Variants in FHIT observed in about 807,000 individuals in gnomAD.
The protein encoded by FHIT is bis(5'-adenosyl)-triphosphatase.
In FHIT, 19 loss-of-function variants were observed where a neutral mutation model predicts 17.9. The ratio of observed to expected loss-of-function variants is 1.06; its 90% CI spans 0.74 to 1.56. The LOEUF (loss-of-function observed/expected upper bound fraction) is 1.56, where lower values mean the gene tolerates loss of function less well. Ranked by LOEUF, FHIT falls within the 40% of genes most tolerant of loss-of-function variation. The pLI, the probability that FHIT is intolerant of heterozygous loss-of-function variation, is 0.00. For synonymous variants in FHIT, 81 were observed against 69.7 expected (o/e 1.16, Z -0.81); for missense variants, 248 against 189.2 (o/e 1.31, Z -1.82).
intron 5 of FHIT, among the ~76,000 whole-genome samples, chr3:60,099,373 T>G (rs953431235): frequency 2.6e-5 from 4 of 152,198 alleles, no homozygotes; most frequent in Admixed American, 6.5e-5. Flanking sequence ...TACATTATTC[T>G]CATAATTACC....
intron 2 of FHIT, among the ~76,000 whole-genome samples, chr3:61,149,683 G>A (rs2037328372): frequency 1.3e-5 from 2 of 151,762 alleles, no homozygotes; most frequent in South Asian, 4.2e-4. Context: ...TTTGAGACCA[G>A]CCTCAGCAAC....
intron 3 of FHIT, among the ~76,000 whole-genome samples, chr3:60,860,659 GGTATATAT>G (rs1703722580): frequency 9.1e-6 from 1 of 109,878 alleles, no homozygotes; most frequent in African/African-American, 3.4e-5. Flanking sequence ...ACATATATCA[GGTATATAT>G]GTACATATGT....
intron 4 of FHIT, among the ~76,000 whole-genome samples, chr3:60,628,485 A>T (rs1314130831): frequency 6.6e-6 from 1 of 152,194 alleles, no homozygotes; most frequent in Non-Finnish European, 1.5e-5. Context: ...TGCTTCACTA[A>T]TTACTGGATA....
chr3:60,602,171 TGGGTGGAAATGATA>T (rs2038465382), intron 4 of FHIT, among the ~76,000 whole-genome samples: 2 of 152,090 alleles, frequency 1.3e-5, no homozygotes, highest in African/African-American at 4.8e-5. Flanking sequence ...ACTGAATCCA[TGGGTGGAAATGATA>T]CAGTATCCTG....
intron 5 of FHIT, among the ~76,000 whole-genome samples, chr3:60,163,763 G>T (rs556066494): frequency 6.0e-4 from 92 of 152,286 alleles, no homozygotes; most frequent in Middle Eastern, 6.8e-3. Flanking sequence ...ACTAGATGCT[G>T]GTAGCACCTA....
At chr3:59,844,671 C>T (rs1262584644) in intron 8 of FHIT, among the ~76,000 whole-genome samples, 1 of 152,000 alleles carries the variant, frequency 6.6e-6, no homozygotes, top group Non-Finnish European at 1.5e-5. Flanking sequence ...GAATAAATCT[C>T]GCTTGGTCAT....
At chr3:60,381,251 G>A (rs898374589) in intron 5 of FHIT, among the ~76,000 whole-genome samples, 1 of 152,128 alleles carries the variant, frequency 6.6e-6, no homozygotes, top group African/African-American at 2.4e-5. Context: ...GCTGAGGTGG[G>A]CAGATCACCT....
At position 60,362,098 on chromosome 3, in the gene FHIT, G is replaced by A. The variant is rs138320193; in HGVS notation, c.103+174762C>T. Among the ~76,000 whole-genome samples, 456 of 152,140 alleles carry A rather than the reference G, an allele frequency of 3.0e-3. 6 individuals are homozygous for A. In the Middle Eastern group the frequency reaches 0.041, roughly 14 times the overall value. ...TTAAAAAAAAATAATTTTATTGTGT[G>A]CATTTGAAGTTTATAGCATGATGTT... On this transcript the variant is annotated intron_variant, in intron 5 of 9. Coordinates refer to ENST00000492590, the MANE Select transcript of FHIT (RefSeq NM_002012.4).
chr3:60,208,312 G>C lies in FHIT; in HGVS notation c.104-194160C>G, dbSNP rs867909728. ...TAAAAGATGCAGGCTTTCAGAACTCGACAAATTTTCTTGATCCTTTGCCAA... is the reference window on the plus strand; with the variant it reads ...TAAAAGATGCAGGCTTTCAGAACTCCACAAATTTTCTTGATCCTTTGCCAA... On this transcript the variant is annotated intron_variant, in intron 5 of 9. Transcript: ENST00000492590. Among the ~76,000 whole-genome samples the C allele has an allele frequency of 2.0e-5, 3 of 152,090 alleles. No homozygotes were observed. The East Asian group carries it at 5.8e-4, about 29-fold the overall frequency.
At position 61,030,787 on chromosome 3, in the gene FHIT, T is replaced by A. The variant is rs548054460; in HGVS notation, c.-111+11260A>T. Among the ~76,000 whole-genome samples, 5 of 152,190 alleles carry A rather than the reference T, an allele frequency of 3.3e-5. No individual in the cohort carries two copies. In the East Asian group the frequency reaches 5.8e-4, roughly 18 times the overall value. On this transcript the variant is annotated intron_variant, in intron 3 of 9. Transcript: ENST00000492590. ...TGGTAGTTTCAATGAAAAAGTTACA[T>A]TAAAGGAGAGGCAGGCCGTGAGCTG...
At chr3:60,388,172 G>A (rs1419606763) in intron 5 of FHIT, among the ~76,000 whole-genome samples, 2 of 152,070 alleles carry the variant, frequency 1.3e-5, no homozygotes, top group African/African-American at 2.4e-5. Context: ...GCACACAAAT[G>A]GACTAAGACA....
chr3:59,944,335 G>A (rs1467696903), intron 7 of FHIT, among the ~76,000 whole-genome samples: 1 of 152,068 alleles, frequency 6.6e-6, no homozygotes, highest in South Asian at 2.1e-4. Context: ...GATACAGAAT[G>A]AATCCATTAC....
intron 3 of FHIT, among the ~76,000 whole-genome samples, chr3:61,036,334 C>T (rs944985243): frequency 6.6e-6 from 1 of 151,990 alleles, no homozygotes; most frequent in African/African-American, 2.4e-5. Context: ...GATCTAATCA[C>T]CCCCTACCAG....
At position 60,499,601 on chromosome 3, in the gene FHIT, G is replaced by C. The variant is rs183274215; in HGVS notation, c.103+37259C>G. ...AGAGACGGGGTTTCACCGTGGCCTT[G>C]ATCTCCTGACCTCGTGATCCGCCCG... is the stretch of plus-strand genomic sequence containing the variant. On this transcript the variant is annotated intron_variant, in intron 5 of 9. Transcript: ENST00000492590. Among the ~76,000 whole-genome samples the C allele has an allele frequency of 4.6e-5, 7 of 152,032 alleles. No individual in the cohort carries two copies. In the East Asian group the frequency reaches 1.4e-3, roughly 30 times the overall value.
chr3:60,866,503 C>A (rs1047635373), intron 3 of FHIT, among the ~76,000 whole-genome samples: 1 of 152,132 alleles, frequency 6.6e-6, no homozygotes, highest in Non-Finnish European at 1.5e-5. Flanking sequence ...AGCTGCCAGG[C>A]ATGTGGTACC....
intron 8 of FHIT, among the ~76,000 whole-genome samples, chr3:59,902,837 T>G (rs1047942030): frequency 1.3e-5 from 2 of 152,158 alleles, no homozygotes; most frequent in African/African-American, 4.8e-5. Context: ...AAACTTTCAG[T>G]TATAAGATAA....
At chr3:60,347,486 G>A (rs547193835) in intron 5 of FHIT, among the ~76,000 whole-genome samples, 3 of 151,848 alleles carry the variant, frequency 2.0e-5, no homozygotes, top group Non-Finnish European at 4.4e-5. Context: ...CTGGGGGGAC[G>A]ATTACTCATG....
intron 5 of FHIT, among the ~76,000 whole-genome samples, chr3:60,106,422 C>A (rs1704415131): frequency 6.6e-6 from 1 of 152,158 alleles, no homozygotes; most frequent in South Asian, 2.1e-4. Context: ...ACACCTCAAA[C>A]CGCAAAAGTT....
intron 4 of FHIT, chr3:60,537,510 A>T: frequency 2.1e-6 from 2 of 962,712 alleles, no homozygotes; most frequent in Admixed American, 6.1e-5. Flanking sequence ...ATTCTAGTAA[A>T]ATCTCCAAAA....
Sources: allele counts gnomAD v4.1 joint callset (sites outside exome capture counted in the v4.1 genomes callset), GRCh38; gene constraint gnomAD v4.1.1; transcripts MANE v1.5; gene names NCBI Gene and HGNC (gene_info 2026-07-23, HGNC 2026-07-21).